Variants in HPSE2 observed in about 807,000 individuals in gnomAD.
HPSE2 encodes the protein heparanase 2 (inactive).
A neutral mutation model predicts 60.5 loss-of-function variants in HPSE2; 38 were observed. That is an observed-to-expected ratio of 0.63 (90% CI 0.48 to 0.82). HPSE2 has a LOEUF of 0.82. Ranked by LOEUF, HPSE2 falls within the 40% of genes least tolerant of loss-of-function variation. HPSE2 has a pLI of 0.00. For missense variants in HPSE2, 713 were observed against 740.4 expected, an observed-to-expected ratio of 0.96 and a Z score of 0.43; for synonymous variants, 295 against 293.2, an observed-to-expected ratio of 1.01 and a Z score of -0.06.
At chr10:99,137,155 A>T (rs1845690007) in intron 3 of HPSE2, among the ~76,000 whole-genome samples, 1 of 152,192 alleles carries the variant, frequency 6.6e-6, no homozygotes, top group African/African-American at 2.4e-5. Context: ...CTACTAAGAG[A>T]ATAAAATACC....
At chr10:99,217,339 A>G (rs987482250) in intron 2 of HPSE2, among the ~76,000 whole-genome samples, 1 of 151,734 alleles carries the variant, frequency 6.6e-6, no homozygotes, top group Non-Finnish European at 1.5e-5. Context: ...TCAAATGCAC[A>G]TTAAAACTTT....
intron 2 of HPSE2, among the ~76,000 whole-genome samples, chr10:99,163,846 A>C (rs1846947847): frequency 6.6e-6 from 1 of 152,060 alleles, no homozygotes; most frequent in Admixed American, 6.6e-5. Flanking sequence ...TTGGGCTGAC[A>C]GAAGTTTCTT....
At chr10:98,591,177 C>T (rs1461857598) in intron 9 of HPSE2, among the ~76,000 whole-genome samples, 1 of 152,012 alleles carries the variant, frequency 6.6e-6, no homozygotes, top group Non-Finnish European at 1.5e-5. Context: ...AATTATTTAT[C>T]ATTTCTGTGC....
chr10:98,566,690 G>A lies in HPSE2; in HGVS notation c.1320+48214C>T, dbSNP rs554709480. Among the ~76,000 whole-genome samples the A allele has an allele frequency of 3.9e-5, 6 of 152,322 alleles. No homozygotes were observed. The South Asian group carries it at 1.0e-3, about 26-fold the overall frequency. On this transcript the variant is annotated intron_variant, in intron 9 of 11. Coordinates refer to ENST00000370552, the MANE Select transcript of HPSE2 (RefSeq NM_021828.5). ...GCCCAGGGAAGGTGTGAGACAGCAT[G>A]AGCTGGAGAGCTGGGGAAAACTTGC...
chr10:99,122,518 T>C (rs1465925119), intron 3 of HPSE2, among the ~76,000 whole-genome samples: 3 of 151,930 alleles, frequency 2.0e-5, no homozygotes, highest in Admixed American at 6.5e-5. Context: ...AATTAAAGTA[T>C]GCATTTTCTC....
At chr10:98,857,290 T>C (rs1479429719) in intron 3 of HPSE2, among the ~76,000 whole-genome samples, 1 of 152,046 alleles carries the variant, frequency 6.6e-6, no homozygotes, top group Non-Finnish European at 1.5e-5. Context: ...TAGACAGGAG[T>C]TCTTATCTGT....
intron 3 of HPSE2, among the ~76,000 whole-genome samples, chr10:99,103,534 A>G (rs1350507047): frequency 6.6e-6 from 1 of 152,212 alleles, no homozygotes; most frequent in Non-Finnish European, 1.5e-5. Context: ...GGAAGAATCG[A>G]TATCGTGAAA....
intron 3 of HPSE2, among the ~76,000 whole-genome samples, chr10:99,090,685 CT>C (rs1843481138): frequency 6.6e-6 from 1 of 152,010 alleles, no homozygotes; most frequent in African/African-American, 2.4e-5. Context: ...ATTATTTCAT[CT>C]GTTATAACAT....
At chr10:99,116,272 A>G (rs779944549) in intron 3 of HPSE2, among the ~76,000 whole-genome samples, 11 of 152,080 alleles carry the variant, frequency 7.2e-5, no homozygotes, top group Non-Finnish European at 1.5e-4. Context: ...TCAATATACT[A>G]TGTGGAATTA....
At chr10:98,698,856 C>T (rs1189901652) in intron 5 of HPSE2, among the ~76,000 whole-genome samples, 2 of 152,188 alleles carry the variant, frequency 1.3e-5, no homozygotes, top group African/African-American at 2.4e-5. Context: ...GAGACTACTA[C>T]AAACACCTCT....
the HPSE2 span, among the ~76,000 whole-genome samples, chr10:99,252,099 T>C: frequency 6.6e-6 from 1 of 151,800 alleles, no homozygotes; most frequent in Non-Finnish European, 1.5e-5. Context: ...CAGAAAAAGC[T>C]TTTGATAAAA....
intron 10 of HPSE2, among the ~76,000 whole-genome samples, chr10:98,487,807 ACT>A (rs1941495127): frequency 6.6e-6 from 1 of 152,212 alleles, no homozygotes; most frequent in South Asian, 2.1e-4. Context: ...CAGATAAATG[ACT>A]CAGCAGTGCT....
chr10:99,255,521 C>T, the HPSE2 span, among the ~76,000 whole-genome samples: 1 of 151,352 alleles, frequency 6.6e-6, no homozygotes, highest in African/African-American at 2.4e-5. Context: ...TATAACTCAA[C>T]ATACTAACAA....
At chr10:98,490,318 A>C (rs1941600020) in intron 9 of HPSE2, 122 bp from the exon 10 acceptor site, 1 of 1,170,676 alleles carries the variant, frequency 8.5e-7, no homozygotes, top group Admixed American at 1.9e-5. Context: ...TCCTACCTGG[A>C]GTCATGAGTC....
chr10:99,099,190 G>A (rs944116768), intron 3 of HPSE2, among the ~76,000 whole-genome samples: 13 of 152,182 alleles, frequency 8.5e-5, no homozygotes, highest in African/African-American at 2.7e-4. Flanking sequence ...GAAGCAGCGC[G>A]AGGCATCGCC....
chr10:99,190,150 T>C lies in HPSE2; in HGVS notation c.448+42198A>G, dbSNP rs113902786. ...CCATTTGTTAACTACCTACTATGCA[T>C]TGGGCATTGTGCTAATACTTTACAT... On this transcript the variant is annotated intron_variant, in intron 2 of 11. Transcript: ENST00000370552. Among the ~76,000 whole-genome samples the C allele has an allele frequency of 2.0e-3, 310 of 152,310 alleles. 2 individuals are homozygous for C. The highest frequency in any genetic ancestry group is 7.2e-3 in the African/African-American group (298 of 41,574).
intron 3 of HPSE2, among the ~76,000 whole-genome samples, chr10:99,055,710 T>C (rs1958097591): frequency 6.6e-6 from 1 of 152,106 alleles, no homozygotes; most frequent in South Asian, 2.1e-4. Flanking sequence ...TTAAATAACA[T>C]ATTTCTAAAT....
At chr10:99,153,918 G>A (rs1846401651) in intron 2 of HPSE2, among the ~76,000 whole-genome samples, 2 of 151,806 alleles carry the variant, frequency 1.3e-5, no homozygotes, top group African/African-American at 2.4e-5. Flanking sequence ...GGAGCTGATG[G>A]AGCTGAAAAC....
At chr10:98,763,934 C>G (rs1019942416) in intron 3 of HPSE2, among the ~76,000 whole-genome samples, 1 of 152,000 alleles carries the variant, frequency 6.6e-6, no homozygotes, top group Non-Finnish European at 1.5e-5. Context: ...AGGTAATAGG[C>G]TATTTTTCTC....
Sources: allele counts gnomAD v4.1 joint callset (sites outside exome capture counted in the v4.1 genomes callset), GRCh38; gene constraint gnomAD v4.1.1; transcripts MANE v1.5; gene names NCBI Gene and HGNC (gene_info 2026-07-23, HGNC 2026-07-21).